Variants in SRGAP2 observed in about 807,000 individuals in gnomAD.
SRGAP2 encodes SLIT-ROBO Rho GTPase activating protein 2.
In SRGAP2, 15 loss-of-function variants were observed where a neutral mutation model predicts 57.2. The ratio of observed to expected loss-of-function variants is 0.26; its 90% CI spans 0.18 to 0.40. The LOEUF (loss-of-function observed/expected upper bound fraction) is 0.40, where lower values mean the gene tolerates loss of function less well. Ranked by LOEUF, SRGAP2 falls within the 10% of genes least tolerant of loss-of-function variation. The pLI, the probability that SRGAP2 is intolerant of heterozygous loss-of-function variation, is 1.00. For synonymous variants in SRGAP2, 249 were observed against 248.0 expected (o/e 1.00, Z -0.04); for missense variants, 520 against 669.6 (o/e 0.78, Z 2.47).
intron 2 of SRGAP2, among the ~76,000 whole-genome samples, chr1:206,289,460 G>A (rs1204641972): frequency 6.6e-6 from 1 of 151,270 alleles, no homozygotes; most frequent in Non-Finnish European, 1.5e-5. Flanking sequence ...TTTTTTTTTA[G>A]TAGAGACGGG....
At chr1:206,370,597 A>C (rs1553342405) in intron 4 of SRGAP2, among the ~76,000 whole-genome samples, 1 of 152,048 alleles carries the variant, frequency 6.6e-6, no homozygotes, top group African/African-American at 2.4e-5. Context: ...AGCTGGGGGA[A>C]GGAGAGATGG....
intron 10 of SRGAP2, among the ~76,000 whole-genome samples, chr1:206,413,633 C>T (rs1315827236): frequency 2.0e-5 from 3 of 152,052 alleles, no homozygotes; most frequent in African/African-American, 7.2e-5. Context: ...AAGGGTCTAC[C>T]CAGAGGAGAG....
intron 18 of SRGAP2, 145 bp from the exon 19 acceptor site, chr1:206,450,241 T>A: frequency 5.1e-6 from 3 of 585,650 alleles, no homozygotes; most frequent in Non-Finnish European, 9.3e-6. Context: ...TATTTCATTA[T>A]AAGCATTTGT....
intron 5 of SRGAP2, among the ~76,000 whole-genome samples, chr1:206,389,995 T>G (rs2103088127): frequency 6.6e-6 from 1 of 150,774 alleles, no homozygotes; most frequent in East Asian, 1.9e-4. Flanking sequence ...CATAGATATA[T>G]ATATCTAAGT....
chr1:206,286,449 C>T (rs1353895556), intron 2 of SRGAP2, among the ~76,000 whole-genome samples: 3 of 150,816 alleles, frequency 2.0e-5, no homozygotes, highest in African/African-American at 7.3e-5. Flanking sequence ...AATCCCATCA[C>T]CCAAAAAACA....
rs1367285509 is a variant in SRGAP2 at position 206,454,177 on chromosome 1, C to T, written c.2361-701C>T. ...CCTGAGTGAGTCTGCACCCTCCCAG[C>T]CTCTTCCCGGCTCGTTCTGCAGGGA... is the stretch of plus-strand genomic sequence containing the variant. On this transcript the variant is annotated intron_variant, in intron 20 of 22. Transcript: ENST00000573034. The surrounding 1 kb of genome is among the most constrained non-coding windows in gnomAD (Gnocchi z 4.3). The T allele has an allele frequency of 7.1e-6, 5 of 702,450 alleles. No homozygotes were observed. Among genetic ancestry groups the T allele is most frequent in the Non-Finnish European group, 1.3e-5 (5 of 384,998 alleles). 43.5% of individuals were successfully genotyped at this position (702,450 alleles called of 1,614,324 possible).
chr1:206,355,754 G>A (rs1676382229), intron 4 of SRGAP2, among the ~76,000 whole-genome samples: 1 of 152,132 alleles, frequency 6.6e-6, no homozygotes, highest in African/African-American at 2.4e-5. Context: ...ATCACCTGAG[G>A]TCAGGAGTTT....
intron 2 of SRGAP2, among the ~76,000 whole-genome samples, chr1:206,285,813 G>A (rs1670992310): frequency 6.6e-6 from 1 of 152,042 alleles, no homozygotes; most frequent in Non-Finnish European, 1.5e-5. Context: ...GCTTACAGGT[G>A]CACCACCATG....
chr1:206,445,337 G>A (rs1296029571), intron 17 of SRGAP2, among the ~76,000 whole-genome samples: 2 of 152,224 alleles, frequency 1.3e-5, no homozygotes, highest in Non-Finnish European at 2.9e-5. Flanking sequence ...GAGAAGGGGA[G>A]AGTTCCCAGA....
At chr1:206,301,564 CCCCAATA>C (rs1671875360) in intron 2 of SRGAP2, among the ~76,000 whole-genome samples, 1 of 148,290 alleles carries the variant, frequency 6.7e-6, no homozygotes, top group Admixed American at 6.8e-5. Context: ...AGATCTTTAC[CCCCAATA>C]CCCTTGTAAT....
At chr1:206,243,886 C>A (rs1668390546) in intron 2 of SRGAP2, among the ~76,000 whole-genome samples, 1 of 137,572 alleles carries the variant, frequency 7.3e-6, no homozygotes, top group Admixed American at 7.3e-5. Context: ...TGAGGTTGAA[C>A]CTGATTTGCC....
intron 7 of SRGAP2, among the ~76,000 whole-genome samples, chr1:206,398,602 G>A (rs1553354473): frequency 6.6e-6 from 1 of 151,514 alleles, no homozygotes; most frequent in African/African-American, 2.4e-5. Flanking sequence ...CTGAGAGGCT[G>A]GAATCTGTAT....
intron 3 of SRGAP2, among the ~76,000 whole-genome samples, chr1:206,327,819 T>TTC: frequency 8.5e-6 from 1 of 117,172 alleles, no homozygotes; most frequent in Non-Finnish European, 1.7e-5. Flanking sequence ...TTTTTTTTTT[T>TTC]TTAATACTTT....
chr1:206,247,015 T>C (rs1668537299), intron 2 of SRGAP2, among the ~76,000 whole-genome samples: 1 of 143,146 alleles, frequency 7.0e-6, no homozygotes, highest in Non-Finnish European at 1.5e-5. Context: ...ACTTGTTATT[T>C]ATTGAGCAGA....
In SRGAP2 at chr1:206,203,574, T is replaced by A. The variant is rs1553299841; in HGVS notation, c.-619T>A. 1.7e-6 allele frequency: 1 copy of A among 573,202 alleles called. No homozygotes were observed. Among genetic ancestry groups the A allele is most frequent in the African/African-American group, 1.9e-5 (1 of 53,298 alleles). The allele number at this position is 573,202 out of a possible 1,614,324, so 35.5% of individuals were successfully genotyped here. A position where few individuals can be genotyped will look rare whatever the true frequency, so the allele number is the denominator to read the frequency against. The stretch of plus-strand genomic sequence containing the variant: ...GGGCACCGATCTGCGTAGAAACGGG[T>A]GGCGGGGAAGAGAGGGGAGGAGAGC... On this transcript the variant is annotated 5_prime_UTR_variant, in exon 1 of 23. Transcript: ENST00000573034.
At chr1:206,303,782 G>T (rs1311114830) in intron 3 of SRGAP2, among the ~76,000 whole-genome samples, 1 of 151,716 alleles carries the variant, frequency 6.6e-6, no homozygotes. Context: ...CCATATGATG[G>T]TTATTGTTAT....
intron 13 of SRGAP2, among the ~76,000 whole-genome samples, chr1:206,425,449 C>CT (rs1292749259): frequency 1.3e-5 from 2 of 152,134 alleles, no homozygotes; most frequent in African/African-American, 4.8e-5. Flanking sequence ...TATTATTATC[C>CT]TACTGTGCTA....
At chr1:206,247,562 TAGG>T (rs1363463576) in intron 2 of SRGAP2, among the ~76,000 whole-genome samples, 3 of 151,868 alleles carry the variant, frequency 2.0e-5, no homozygotes, top group Non-Finnish European at 4.4e-5. Flanking sequence ...CCTGTTAAGA[TAGG>T]AGGGGGCTGA....
rs1664422601 is a variant in SRGAP2, at chr1:206,464,033, A to G, written c.*2613A>G. On this transcript the variant is annotated 3_prime_UTR_variant, in exon 23 of 23. Coordinates refer to ENST00000573034, the MANE Select transcript of SRGAP2 (RefSeq NM_015326.5). ...CGGGGAAGAGAGGTGGGGTGGGGCT[A>G]CTAGCATCCCAATTTAGAAAATAGA... The G allele has an allele frequency of 6.6e-6, 1 of 152,546 alleles. No individual in the cohort carries two copies. Among genetic ancestry groups the G allele is most frequent in the Non-Finnish European group, 1.5e-5 (1 of 68,100 alleles). 9.4% of individuals were successfully genotyped at this position (152,546 alleles called of 1,614,324 possible).
Sources: gnomAD v4.1 joint callset for allele counts (sites outside exome capture counted in the v4.1 genomes callset) on GRCh38, gnomAD v4.1.1 for gene constraint, Gnocchi (gnomAD v3.1) non-coding constraint, MANE v1.5 for transcripts, NCBI Gene and HGNC (gene_info 2026-07-23, HGNC 2026-07-21) for gene names.